Variants in SNAP91 observed in about 807,000 individuals in gnomAD.
The protein encoded by SNAP91 is clathrin coat assembly protein AP180.
SNAP91 carries 27 observed loss-of-function variants against 100.3 expected under a neutral mutation model. That is an observed-to-expected ratio of 0.27 (90% CI 0.20 to 0.37). The LOEUF is 0.37. Among genes scored for constraint, SNAP91 ranks in the 10% least tolerant of loss-of-function variants. SNAP91 has a pLI of 1.00. For synonymous variants in SNAP91, 404 were observed against 398.6 expected (o/e 1.01, Z -0.16); for missense variants, 986 against 1,123.7 (o/e 0.88, Z 1.75).
intron 2 of SNAP91, among the ~76,000 whole-genome samples, chr6:83,692,320 G>A (rs1036097873): frequency 6.6e-6 from 1 of 152,102 alleles, no homozygotes; most frequent in African/African-American, 2.4e-5. Flanking sequence ...TTCAAGACCA[G>A]CCTGGCCAAC....
chr6:83,625,384 T>G (rs892499210), intron 8 of SNAP91, among the ~76,000 whole-genome samples: 3 of 152,142 alleles, frequency 2.0e-5, no homozygotes, highest in Non-Finnish European at 4.4e-5. Context: ...GAACAATTTA[T>G]TTCCCTTTGG....
intron 1 of SNAP91, 142 bp from the exon 2 acceptor site, chr6:83,708,099 C>A (rs540939390): frequency 3.3e-5 from 22 of 666,944 alleles, no homozygotes; most frequent in South Asian, 3.2e-4. Flanking sequence ...GCCAGCAACG[C>A]GCCAAGCCCC....
At chr6:83,556,286 G>T in intron 28 of SNAP91, 41 bp from the exon 29 acceptor site, 1 of 859,944 alleles carries the variant, frequency 1.2e-6, no homozygotes, top group Non-Finnish European at 1.6e-6. Flanking sequence ...GGAATAGAAA[G>T]CAGAGAGAGA....
intron 8 of SNAP91, among the ~76,000 whole-genome samples, chr6:83,635,713 A>C (rs1360974667): frequency 6.6e-6 from 1 of 152,064 alleles, no homozygotes; most frequent in Non-Finnish European, 1.5e-5. Context: ...CATTCCTGTC[A>C]TCATATTGTT....
intron 22 of SNAP91, among the ~76,000 whole-genome samples, chr6:83,588,124 C>T (rs1441727548): frequency 6.6e-6 from 1 of 152,140 alleles, no homozygotes; most frequent in East Asian, 1.9e-4. Flanking sequence ...ACACTGCATC[C>T]AACCCCTTAT....
At chr6:83,613,920 G>A (rs927493234) in intron 11 of SNAP91, among the ~76,000 whole-genome samples, 10 of 152,110 alleles carry the variant, frequency 6.6e-5, no homozygotes, top group Admixed American at 5.9e-4. Flanking sequence ...GAAAAACAAG[G>A]CATTAAGGTA....
chr6:83,558,316 T>A (rs1005586745), intron 28 of SNAP91, among the ~76,000 whole-genome samples: 3 of 152,192 alleles, frequency 2.0e-5, no homozygotes, highest in Admixed American at 6.5e-5. Context: ...ATAAATGAGA[T>A]CCCTTAGAAT....
At chr6:83,662,492 G>T in intron 3 of SNAP91, 70 bp from the exon 4 acceptor site, 3 of 571,098 alleles carry the variant, frequency 5.3e-6, no homozygotes, top group Non-Finnish European at 8.4e-6. Flanking sequence ...TGACACTAAA[G>T]CGATTTTTTT....
intron 2 of SNAP91, among the ~76,000 whole-genome samples, chr6:83,698,701 G>T (rs2099254348): frequency 1.3e-5 from 2 of 151,748 alleles, no homozygotes; most frequent in African/African-American, 4.8e-5. Flanking sequence ...TGAACTCTGT[G>T]ATTCAAATTT....
At chr6:83,703,103 T>C (rs1424224564) in intron 2 of SNAP91, among the ~76,000 whole-genome samples, 1 of 151,644 alleles carries the variant, frequency 6.6e-6, no homozygotes, top group Non-Finnish European at 1.5e-5. Context: ...GGTCTTCTGG[T>C]AAAATCAAGA....
At chr6:83,649,744 C>CT (rs548434468) in intron 7 of SNAP91, among the ~76,000 whole-genome samples, 3,473 of 137,472 alleles carry the variant, frequency 0.025, 69 homozygotes, top group South Asian at 0.064. Flanking sequence ...CCATGCCTGG[C>CT]TTTTTTTTTT....
At chr6:83,577,007 T>C (rs1414441903) in intron 24 of SNAP91, among the ~76,000 whole-genome samples, 1 of 152,088 alleles carries the variant, frequency 6.6e-6, no homozygotes, top group East Asian at 1.9e-4. Context: ...AAGTAAATTA[T>C]ACAGGCTGCT....
At chr6:83,565,929 C>T (rs543813320) in intron 26 of SNAP91, among the ~76,000 whole-genome samples, 1 of 152,228 alleles carries the variant, frequency 6.6e-6, no homozygotes, top group African/African-American at 2.4e-5. Context: ...CATCGACTTA[C>T]ACATGACCCA....
intron 23 of SNAP91, among the ~76,000 whole-genome samples, chr6:83,581,973 G>A (rs1267211909): frequency 6.6e-6 from 1 of 152,094 alleles, no homozygotes; most frequent in African/African-American, 2.4e-5. Flanking sequence ...ATGGTGTGCA[G>A]GTTAAGTTAG....
chr6:83,653,717 G>A (rs566692953), intron 7 of SNAP91, among the ~76,000 whole-genome samples: 1 of 152,288 alleles, frequency 6.6e-6, no homozygotes, highest in Middle Eastern at 3.4e-3. Context: ...AGGAACTGCT[G>A]TAAATAGGTC....
intron 22 of SNAP91, among the ~76,000 whole-genome samples, chr6:83,584,012 T>C (rs1429158768): frequency 2.0e-5 from 3 of 152,210 alleles, no homozygotes; most frequent in Non-Finnish European, 4.4e-5. Flanking sequence ...TAACTTTCTT[T>C]ACTGAAGAAG....
intron 16 of SNAP91, among the ~76,000 whole-genome samples, chr6:83,597,375 A>T (rs935108787): frequency 1.3e-5 from 2 of 152,342 alleles, no homozygotes; most frequent in African/African-American, 4.8e-5. Context: ...ACTTTTTTAA[A>T]TATCTAGTTT....
chr6:83,666,798 T>C (rs1469859812), intron 2 of SNAP91, among the ~76,000 whole-genome samples: 15 of 152,046 alleles, frequency 9.9e-5, no homozygotes, highest in South Asian at 6.2e-4. Context: ...TTTTCCTTTA[T>C]TGGACTTTTA....
intron 28 of SNAP91, 66 bp downstream of exon 28, chr6:83,560,038 T>C: frequency 7.4e-7 from 1 of 1,345,362 alleles, no homozygotes; most frequent in Non-Finnish European, 1.1e-6. Context: ...TTTAAACAGT[T>C]TGCTACACCA....
Sources: gnomAD v4.1 joint callset for allele counts (sites outside exome capture counted in the v4.1 genomes callset) on GRCh38, gnomAD v4.1.1 for gene constraint, MANE v1.5 for transcripts, NCBI Gene and HGNC (gene_info 2026-07-23, HGNC 2026-07-21) for gene names.